The following PHC2 variants were observed in gnomAD, a reference collection of about 807,000 sequenced individuals.
PHC2 encodes the protein polyhomeotic-like protein 2.
In PHC2, 29 loss-of-function variants were observed where a neutral mutation model predicts 87.4. The observed-to-expected ratio is 0.33, with a 90% CI of 0.25 to 0.45. The LOEUF is 0.45. Among genes scored for constraint, PHC2 ranks in the 20% least tolerant of loss-of-function variants. PHC2 has a pLI of 1.00. For missense variants in PHC2, 857 were observed against 1,136.7 expected, an observed-to-expected ratio of 0.75 and a Z score of 3.54; for synonymous variants, 438 against 461.7, an observed-to-expected ratio of 0.95 and a Z score of 0.66.
rs370770593 is a variant in PHC2 at position 33,324,979 on chromosome 1, G to T, written c.2466C>A (p.Ile822=). ...EIAEEFRAQE[I]DGQALLLLKE... Reference sequence around the variant, plus strand: ...TGAGCAGCAGCAGGGCTTGCCCGTCGATTTCCTGGGCACGGAATTCCTCTG... The same window carrying T: ...TGAGCAGCAGCAGGGCTTGCCCGTCTATTTCCTGGGCACGGAATTCCTCTG... The change falls in exon 15 of 15, where the codon ATC becomes ATA. Residue 822 remains isoleucine, a synonymous_variant. Coordinates refer to ENST00000683057, the MANE Select transcript of PHC2 (RefSeq NM_001385109.1). 11 of 1,613,590 alleles carry T rather than the reference G, an allele frequency of 6.8e-6. No individual in the cohort carries two copies. In the African/African-American group the frequency reaches 1.3e-4, roughly 20 times the overall value.
In PHC2 at chr1:33,325,149, T is replaced by G. The variant is rs114918808; in HGVS notation, c.2426-130A>C. ...TCTTTTAGTCCTCATAACCACGCCT[T>G]GAGGAAGGCGCTGCTGTTCTTATTT... is the stretch of plus-strand genomic sequence containing the variant. On this transcript the variant is annotated intron_variant, in intron 14 of 14. Transcript: ENST00000683057. 1.6e-3 allele frequency: 1,470 copies of G among 909,068 alleles called. 13 individuals carry two copies. Among genetic ancestry groups the G allele is most frequent in the African/African-American group, 9.7e-3 (583 of 59,860 alleles). 56.3% of individuals were successfully genotyped at this position (909,068 alleles called of 1,614,324 possible). A position where few individuals can be genotyped will look rare whatever the true frequency, so the allele number is the denominator to read the frequency against.
rs1207110694 is a variant in PHC2, at chr1:33,334,921, C to T, written c.1559-629G>A. Among the ~76,000 whole-genome samples, 1 of 152,172 alleles carries T rather than the reference C, an allele frequency of 6.6e-6. No individual in the cohort carries two copies. The highest frequency in any genetic ancestry group is 2.4e-5 in the African/African-American group (1 of 41,434). ...CAGTGCATTGAAATATGCAGAAATT[C>T]CATTTCTCTGCTAAGAAGGCTGCTA... On this transcript the variant is annotated intron_variant, in intron 9 of 14. Transcript: ENST00000683057. This position sits in a 1 kb window ranked among gnomAD's most constrained non-coding sequence, Gnocchi z 5.5.
chr1:33,356,277 GTATA>G (rs1233308932), intron 7 of PHC2, among the ~76,000 whole-genome samples: 2,270 of 70,156 alleles, frequency 0.032, 75 homozygotes, highest in African/African-American at 0.1. Flanking sequence ...ATATATATAT[GTATA>G]TATATATATA....
chr1:33,412,018 T>C (rs977695256), intron 1 of PHC2, among the ~76,000 whole-genome samples: 8 of 152,192 alleles, frequency 5.3e-5, no homozygotes, highest in Admixed American at 2.0e-4. Context: ...AAGGGAAAGA[T>C]TGAATGCTTT....
chr1:33,334,225 T>G lies in PHC2; in HGVS notation c.1626A>C (p.Gly542=). ...LSSPGMTSGN[G]NSASSIAGTA... is the part of the protein sequence containing the mutation. Reference sequence around the variant, plus strand: ...TGCCGGCGATGCTGGAGGCAGAGTTTCCGTTCCCTGAGGTCATGCCGGGGC... The same window carrying G: ...TGCCGGCGATGCTGGAGGCAGAGTTGCCGTTCCCTGAGGTCATGCCGGGGC... Residue 542 remains glycine, a synonymous_variant, in exon 10 of 15, where the codon GGA becomes GGC. Transcript: ENST00000683057. The surrounding 1 kb of genome is among the most constrained non-coding windows in gnomAD (Gnocchi z 5.5). 2 of 1,612,904 alleles carry G rather than the reference T, an allele frequency of 1.2e-6. No individual in the cohort carries two copies. Among genetic ancestry groups the G allele is most frequent in the Non-Finnish European group, 1.7e-6 (2 of 1,179,660 alleles).
chr1:33,338,940 G>A (rs910443286), intron 9 of PHC2, among the ~76,000 whole-genome samples: 3 of 152,288 alleles, frequency 2.0e-5, no homozygotes, highest in African/African-American at 4.8e-5. Flanking sequence ...CAAGTATTCC[G>A]GTCAGAATGA....
chr1:33,415,225 TA>T lies in PHC2; in HGVS notation c.-55+15750del, dbSNP rs529600475. Reference sequence around the variant, plus strand: ...CTGGAGTTCTATCGACAGGCCTCCCTAGAGTCTTTGACTAAGCACTGGTCTG... The same window carrying T: ...CTGGAGTTCTATCGACAGGCCTCCCTGAGTCTTTGACTAAGCACTGGTCTG... On this transcript the variant is annotated intron_variant, in intron 1 of 14. Transcript: ENST00000683057. Among the ~76,000 whole-genome samples the T allele has an allele frequency of 2.2e-4, 34 of 152,272 alleles. No individual in the cohort carries two copies. The East Asian group carries it at 6.6e-3, about 29-fold the overall frequency.
At chr1:33,390,037 A>G (rs1319221404) in intron 1 of PHC2, among the ~76,000 whole-genome samples, 1 of 152,124 alleles carries the variant, frequency 6.6e-6, no homozygotes, top group African/African-American at 2.4e-5. Context: ...ATAGATTTCA[A>G]CTGAATAGAA....
At chr1:33,358,752 C>G (rs1420010030) in intron 7 of PHC2, 10 of 152,100 alleles carry the variant, frequency 6.6e-5, no homozygotes, top group Non-Finnish European at 1.5e-4. Flanking sequence ...TTTCTTTGAC[C>G]CAAGCAATCT....
rs145063380 is a variant in PHC2 at position 33,370,581 on chromosome 1, T to C, written c.416A>G (p.Asn139Ser). Residue 139 changes from asparagine (N) to serine (S), a missense_variant, in exon 5 of 15, where the codon AAC (asparagine) becomes AGC (serine). Transcript: ENST00000683057. ...GGCTGCTGCTGGGGAGGCTGCCAGG[T>C]TGATCTAATGAGAGAGACATGTGCG... ...AQAPAQSSSI[N>S]LAASPAAAQL... The C allele has an allele frequency of 2.5e-6, 4 of 1,612,106 alleles. No individual in the cohort carries two copies. In the African/African-American group the frequency reaches 5.3e-5, roughly 22 times the overall value.
chr1:33,412,937 T>C (rs1650040742), intron 1 of PHC2, among the ~76,000 whole-genome samples: 1 of 148,910 alleles, frequency 6.7e-6, no homozygotes, highest in Non-Finnish European at 1.5e-5. Flanking sequence ...GGACCTTACA[T>C]ATGGACTTGT....
chr1:33,416,970 T>A (rs1051435530), intron 1 of PHC2, among the ~76,000 whole-genome samples: 2 of 152,008 alleles, frequency 1.3e-5, no homozygotes, highest in African/African-American at 4.8e-5. Flanking sequence ...ATAAAATACA[T>A]GACAATAACT....
chr1:33,389,676 A>T (rs1648951342), intron 1 of PHC2, among the ~76,000 whole-genome samples: 1 of 152,160 alleles, frequency 6.6e-6, no homozygotes, highest in African/African-American at 2.4e-5. Context: ...TGCTATTAAC[A>T]TTCCTTTCTA....
intron 1 of PHC2, among the ~76,000 whole-genome samples, chr1:33,405,500 T>C (rs1013285783): frequency 6.6e-6 from 1 of 152,156 alleles, no homozygotes; most frequent in African/African-American, 2.4e-5. Flanking sequence ...AGCAGTCTTA[T>C]CAGTCTTTAA....
rs940979905 is a variant in PHC2 at position 33,324,531 on chromosome 1, G to A, written c.*334C>T. 4 of 203,092 alleles carry A rather than the reference G, an allele frequency of 2.0e-5. No homozygotes were observed. Among genetic ancestry groups the A allele is most frequent in the Non-Finnish European group, 3.0e-5 (3 of 101,404 alleles). The allele number at this position is 203,092 out of a possible 1,614,324, so 12.6% of individuals were successfully genotyped here. A position where few individuals can be genotyped will look rare whatever the true frequency, so the allele number is the denominator to read the frequency against. On this transcript the variant is annotated 3_prime_UTR_variant, in exon 15 of 15. Coordinates refer to ENST00000683057, the MANE Select transcript of PHC2 (RefSeq NM_001385109.1). ...CTTGAAGTAACCCAACTCAGGTTGG[G>A]GAGCCCTGACCATATACCCCCTGGA...
intron 7 of PHC2, among the ~76,000 whole-genome samples, chr1:33,356,249 T>TTATATATATA (rs60725677): frequency 0.015 from 1,492 of 101,432 alleles, 26 homozygotes; most frequent in East Asian, 0.032. Flanking sequence ...GTGAAAATTC[T>TTATATATATA]TATATATATA....
At chr1:33,421,674 A>C (rs1450536253) in intron 1 of PHC2, among the ~76,000 whole-genome samples, 1 of 152,250 alleles carries the variant, frequency 6.6e-6, no homozygotes, top group African/African-American at 2.4e-5. Flanking sequence ...AGCAACTCCA[A>C]GACATGGGTG....
chr1:33,356,908 C>T (rs1647100562), intron 7 of PHC2, among the ~76,000 whole-genome samples: 1 of 152,128 alleles, frequency 6.6e-6, no homozygotes, highest in Non-Finnish European at 1.5e-5. Context: ...GGGGCGGCGG[C>T]CGGGCGGGGG....
chr1:33,348,170 A>C (rs1349302111), intron 9 of PHC2, among the ~76,000 whole-genome samples: 1 of 152,172 alleles, frequency 6.6e-6, no homozygotes, highest in East Asian at 1.9e-4. Context: ...CAGGTACTTT[A>C]TTTCTGTTCT....
Sources: gnomAD v4.1 joint callset for allele counts (sites outside exome capture counted in the v4.1 genomes callset) on GRCh38, gnomAD v4.1.1 for gene constraint, Gnocchi (gnomAD v3.1) non-coding constraint, MANE v1.5 for transcripts, NCBI Gene and HGNC (gene_info 2026-07-23, HGNC 2026-07-21) for gene names.